Variants in GALNT1 observed in about 807,000 individuals in gnomAD.
GALNT1 encodes GalNAc transferase 1.
In GALNT1, 17 loss-of-function variants were observed where a neutral mutation model predicts 65.7. The ratio of observed to expected loss-of-function variants is 0.26; its 90% confidence interval spans 0.18 to 0.39. The LOEUF (loss-of-function observed/expected upper bound fraction) is 0.39. Among genes scored for constraint, GALNT1 ranks in the 10% least tolerant of loss-of-function variants. The pLI, the probability that GALNT1 is intolerant of heterozygous loss-of-function variation, is 1.00. For missense variants in GALNT1, 460 were observed against 672.8 expected, an observed-to-expected ratio of 0.68 and a Z score of 3.50; for synonymous variants, 210 against 219.7, an observed-to-expected ratio of 0.96 and a Z score of 0.39.
intron 1 of GALNT1, among the ~76,000 whole-genome samples, chr18:35,624,848 G>A (rs1032894500): frequency 6.6e-6 from 1 of 151,912 alleles, no homozygotes; most frequent in African/African-American, 2.4e-5. Context: ...CACATGATAC[G>A]TTTTCTGGCA....
chr18:35,647,245 G>A (rs7227712), intron 1 of GALNT1, among the ~76,000 whole-genome samples: 16,857 of 152,158 alleles, frequency 0.11, 998 homozygotes, highest in Admixed American at 0.18. Context: ...GATGTGTGTA[G>A]AGCTGTGTAC....
intron 9 of GALNT1, among the ~76,000 whole-genome samples, chr18:35,694,601 C>T (rs565481876): frequency 2.0e-5 from 3 of 152,314 alleles, no homozygotes; most frequent in South Asian, 2.1e-4. Flanking sequence ...AGGAAATGAA[C>T]GCAGGGTCTG....
chr18:35,642,207 G>C (rs1457343754), intron 1 of GALNT1, among the ~76,000 whole-genome samples: 1 of 152,186 alleles, frequency 6.6e-6, no homozygotes, highest in Non-Finnish European at 1.5e-5. Flanking sequence ...TGTAATAACG[G>C]AAACCTAGAA....
At chr18:35,653,439 A>C (rs2047335687) in intron 1 of GALNT1, among the ~76,000 whole-genome samples, 1 of 152,168 alleles carries the variant, frequency 6.6e-6, no homozygotes, top group Non-Finnish European at 1.5e-5. Context: ...TTGTTGCATA[A>C]AGTTGCCCTT....
chr18:35,686,708 G>A (rs1226773455), intron 5 of GALNT1, among the ~76,000 whole-genome samples: 1 of 152,018 alleles, frequency 6.6e-6, no homozygotes, highest in Non-Finnish European at 1.5e-5. Context: ...TCAGTCCCTT[G>A]AAGATTAAAG....
intron 5 of GALNT1, 48 bp from the exon 6 acceptor site, chr18:35,686,968 A>G (rs2047878196): frequency 1.9e-6 from 3 of 1,560,450 alleles, no homozygotes; most frequent in Admixed American, 1.8e-5. Flanking sequence ...AGTTGGCATT[A>G]AACAGGAATG....
intron 6 of GALNT1, 81 bp downstream of exon 6, chr18:35,687,267 A>G (rs534342363): frequency 3.0e-5 from 41 of 1,378,400 alleles, no homozygotes; most frequent in Middle Eastern, 3.7e-4. Flanking sequence ...CAAATGGATA[A>G]GTGTATTTTG....
chr18:35,698,572 A>G (rs1457667877), intron 9 of GALNT1, among the ~76,000 whole-genome samples: 2 of 152,246 alleles, frequency 1.3e-5, no homozygotes, highest in Admixed American at 6.5e-5. Flanking sequence ...GAAGTGCTCA[A>G]TAGCCACACA....
intron 1 of GALNT1, among the ~76,000 whole-genome samples, chr18:35,651,149 T>G (rs1056562809): frequency 6.6e-6 from 1 of 152,226 alleles, no homozygotes; most frequent in Non-Finnish European, 1.5e-5. Context: ...TTTTGTTTCC[T>G]GAACCTTATT....
At chr18:35,625,717 G>A (rs749252414) in intron 1 of GALNT1, among the ~76,000 whole-genome samples, 1 of 152,152 alleles carries the variant, frequency 6.6e-6, no homozygotes, top group Non-Finnish European at 1.5e-5. Context: ...GGAAGTTCCT[G>A]CTGGATCCTT....
At chr18:35,681,301 G>T (rs369046802) in intron 4 of GALNT1, among the ~76,000 whole-genome samples, 1 of 151,978 alleles carries the variant, frequency 6.6e-6, no homozygotes, top group Non-Finnish European at 1.5e-5. Context: ...CTTCATTTTT[G>T]TAAAATGAGA....
At chr18:35,672,189 A>G (rs567653993) in intron 3 of GALNT1, among the ~76,000 whole-genome samples, 1 of 152,372 alleles carries the variant, frequency 6.6e-6, no homozygotes, top group South Asian at 2.1e-4. Flanking sequence ...TGCTTTGCAC[A>G]CTTCCTGGAA....
chr18:35,686,585 C>A (rs997966300), intron 5 of GALNT1, among the ~76,000 whole-genome samples: 1 of 152,078 alleles, frequency 6.6e-6, no homozygotes, highest in African/African-American at 2.4e-5. Context: ...AGAGCAGTCA[C>A]TCATAGTTAC....
At chr18:35,620,035 C>G (rs2046832050) in intron 1 of GALNT1, among the ~76,000 whole-genome samples, 2 of 152,134 alleles carry the variant, frequency 1.3e-5, no homozygotes, top group Non-Finnish European at 2.9e-5. Context: ...GCAAAGGTCC[C>G]TGTATTCCCT....
intron 2 of GALNT1, among the ~76,000 whole-genome samples, chr18:35,657,333 A>G (rs2047406047): frequency 6.6e-6 from 1 of 152,152 alleles, no homozygotes; most frequent in African/African-American, 2.4e-5. Flanking sequence ...ACCTCAGGTG[A>G]TCCACCTGCC....
At chr18:35,689,366 A>C in intron 7 of GALNT1, 76 bp downstream of exon 7, 1 of 838,292 alleles carries the variant, frequency 1.2e-6, no homozygotes. Flanking sequence ...ATGTATCTCT[A>C]CATAAAAAAT....
In GALNT1 at chr18:35,705,834, G is replaced by A. The variant is rs140652867; in HGVS notation, c.1533+2191G>A. ...TAGTGATGTCAGGGATAACGTTGTT[G>A]TAATATTCTTAGCTTTTCCTTGTGG... On this transcript the variant is annotated intron_variant, in intron 11 of 11. Transcript: ENST00000269195. Among the ~76,000 whole-genome samples the A allele has an allele frequency of 5.1e-3, 784 of 152,306 alleles. 10 individuals carry two copies. The highest frequency in any genetic ancestry group is 0.018 in the African/African-American group (751 of 41,584).
In GALNT1 at chr18:35,692,276, T is replaced by C. The variant is rs1598808149; in HGVS notation, c.1255T>C (p.Tyr419His). The change falls in exon 9 of 12, where the codon TAT (tyrosine) becomes CAT (histidine). Residue 419 changes from tyrosine to histidine, a missense_variant. Coordinates refer to ENST00000269195, the MANE Select transcript of GALNT1 (RefSeq NM_020474.4). ...KPFSWYLENI[Y>H]PDSQIPRHYF... ...TTTTTCCTGGTACCTAGAGAATATA[T>C]ATCCTGATTCTCAAATTCCACGTCA... 1 of 1,598,026 alleles carries C rather than the reference T, an allele frequency of 6.3e-7. No individual in the cohort carries two copies. Among genetic ancestry groups the C allele is most frequent in the Non-Finnish European group, 8.6e-7 (1 of 1,166,700 alleles).
At chr18:35,594,878 G>A (rs1199421089) in intron 1 of GALNT1, among the ~76,000 whole-genome samples, 5 of 152,168 alleles carry the variant, frequency 3.3e-5, no homozygotes, top group Non-Finnish European at 7.3e-5. Context: ...AGGCAGGTTG[G>A]TGTTGAGACT....
Sources: gnomAD v4.1 joint callset for allele counts (sites outside exome capture counted in the v4.1 genomes callset) on GRCh38, gnomAD v4.1.1 for gene constraint, MANE v1.5 for transcripts, NCBI Gene and HGNC (gene_info 2026-07-23, HGNC 2026-07-21) for gene names.